The following LRRTM4 variants were observed in gnomAD, a reference collection of about 807,000 sequenced individuals.
LRRTM4 encodes leucine-rich repeat transmembrane neuronal protein 4.
In LRRTM4, 25 loss-of-function variants were observed where a neutral mutation model predicts 47.6. That is an observed-to-expected ratio of 0.53 (90% CI 0.38 to 0.73). The LOEUF is 0.73. Among genes scored for constraint, LRRTM4 ranks in the 30% least tolerant of loss-of-function variants. The probability of loss-of-function intolerance (pLI) is 0.00; values close to 1 mark genes in which losing one functional copy is unlikely to be tolerated. For missense variants in LRRTM4, 638 were observed against 713.4 expected (o/e 0.89, Z 1.20); for synonymous variants, 311 against 269.5 (o/e 1.15, Z -1.51).
chr2:76,874,648 A>AAC lies in LRRTM4; in HGVS notation c.1552-125733_1552-125732insGT, dbSNP rs576055047. 2.2e-3 allele frequency among the ~76,000 whole-genome samples: 334 copies of AAC among 151,860 alleles called. 7 individuals carry two copies. Among genetic ancestry groups the AAC allele is most frequent in the African/African-American group, 7.8e-3 (325 of 41,410 alleles). On this transcript the variant is annotated intron_variant, in intron 3 of 3. Transcript: ENST00000409884. ...GGCATTGATCATTGATGTTATTTCT[A>AAC]ATGTTTTGCTATTTTAGATAGTGAT...
chr2:77,501,031 A>C (rs2104075875), intron 3 of LRRTM4, among the ~76,000 whole-genome samples: 1 of 151,400 alleles, frequency 6.6e-6, no homozygotes, highest in East Asian at 1.9e-4. Context: ...AGAGTTAACA[A>C]TGATTTATTT....
At chr2:77,080,380 C>T (rs927396290) in intron 3 of LRRTM4, among the ~76,000 whole-genome samples, 2 of 152,274 alleles carry the variant, frequency 1.3e-5, no homozygotes, top group South Asian at 4.1e-4. Context: ...CTGTACACAT[C>T]CCATATCCGA....
intron 3 of LRRTM4, among the ~76,000 whole-genome samples, chr2:76,955,611 T>C (rs531216525): frequency 6.6e-6 from 1 of 151,920 alleles, no homozygotes; most frequent in Non-Finnish European, 1.5e-5. Context: ...AGTTCTCAAT[T>C]CCCAATACGA....
chr2:77,447,156 C>T (rs1489122321), intron 3 of LRRTM4, among the ~76,000 whole-genome samples: 1 of 149,972 alleles, frequency 6.7e-6, no homozygotes, highest in East Asian at 2.0e-4. Context: ...ACATCTTTCA[C>T]CAGATTCTCC....
At chr2:77,319,826 T>G in intron 3 of LRRTM4, among the ~76,000 whole-genome samples, 1 of 152,208 alleles carries the variant, frequency 6.6e-6, no homozygotes, top group Admixed American at 6.5e-5. Flanking sequence ...AAAGATGTGT[T>G]ATTTTTCCCC....
intron 3 of LRRTM4, among the ~76,000 whole-genome samples, chr2:77,470,506 A>G (rs1290578982): frequency 1.3e-5 from 2 of 152,220 alleles, no homozygotes; most frequent in Non-Finnish European, 2.9e-5. Flanking sequence ...TACAATGAAG[A>G]CACACTGAGC....
chr2:76,807,459 C>T (rs62172135), intron 3 of LRRTM4, among the ~76,000 whole-genome samples: 1,057 of 85,494 alleles, frequency 0.012, 12 homozygotes, highest in African/African-American at 0.041. Flanking sequence ...TATATATATA[C>T]ATATATATAT....
intron 3 of LRRTM4, among the ~76,000 whole-genome samples, chr2:76,944,474 T>G (rs1051183557): frequency 1.3e-5 from 2 of 152,152 alleles, no homozygotes; most frequent in African/African-American, 4.8e-5. Flanking sequence ...TTCCAGTGAT[T>G]TCTCCAGTAC....
intron 3 of LRRTM4, among the ~76,000 whole-genome samples, chr2:77,290,796 C>T (rs1676802513): frequency 6.6e-6 from 1 of 151,956 alleles, no homozygotes; most frequent in East Asian, 1.9e-4. Flanking sequence ...TCTTGTTTTT[C>T]CTACAGTTTC....
At chr2:77,467,748 T>TA in intron 3 of LRRTM4, among the ~76,000 whole-genome samples, 2 of 152,278 alleles carry the variant, frequency 1.3e-5, no homozygotes, top group South Asian at 4.1e-4. Context: ...ACATTTATAA[T>TA]AAAAATATGT....
chr2:77,053,170 G>A (rs894536949), intron 3 of LRRTM4, among the ~76,000 whole-genome samples: 5 of 152,136 alleles, frequency 3.3e-5, no homozygotes, highest in African/African-American at 1.2e-4. Flanking sequence ...GCAGAATTCA[G>A]ATACAGGAGA....
At chr2:77,120,876 A>G (rs753788817) in intron 3 of LRRTM4, among the ~76,000 whole-genome samples, 11 of 151,840 alleles carry the variant, frequency 7.2e-5, no homozygotes, top group Admixed American at 1.3e-4. Context: ...GTTCTCTGAC[A>G]ATCTGAGAAC....
At chr2:77,264,130 T>C (rs545124955) in intron 3 of LRRTM4, among the ~76,000 whole-genome samples, 25 of 152,142 alleles carry the variant, frequency 1.6e-4, no homozygotes, top group African/African-American at 5.8e-4. Flanking sequence ...CCATAAAAAA[T>C]ACCAGAGAAT....
At chr2:77,457,830 C>T (rs908056670) in intron 3 of LRRTM4, among the ~76,000 whole-genome samples, 2 of 152,110 alleles carry the variant, frequency 1.3e-5, no homozygotes, top group Admixed American at 6.6e-5. Flanking sequence ...CATCACCTGG[C>T]ACCTTCTTAT....
intron 3 of LRRTM4, among the ~76,000 whole-genome samples, chr2:76,779,094 G>T (rs1216988101): frequency 1.3e-5 from 2 of 148,204 alleles, no homozygotes; most frequent in Admixed American, 1.4e-4. Context: ...TTAATCCTGA[G>T]TTCTAGTTTG....
At chr2:77,028,630 A>G (rs1158273577) in intron 3 of LRRTM4, among the ~76,000 whole-genome samples, 1 of 152,170 alleles carries the variant, frequency 6.6e-6, no homozygotes, top group African/African-American at 2.4e-5. Context: ...AAGATGGAAC[A>G]AAAATGATTC....
At chr2:76,838,911 C>A (rs1023059933) in intron 3 of LRRTM4, among the ~76,000 whole-genome samples, 1 of 151,950 alleles carries the variant, frequency 6.6e-6, no homozygotes, top group Non-Finnish European at 1.5e-5. Flanking sequence ...ACAAAATAAA[C>A]CTAACCTTCC....
At chr2:76,924,553 TAGA>T (rs1414228167) in intron 3 of LRRTM4, among the ~76,000 whole-genome samples, 1 of 151,632 alleles carries the variant, frequency 6.6e-6, no homozygotes, top group East Asian at 1.9e-4. Flanking sequence ...CTGAAGGTGG[TAGA>T]AGAATAAATA....
At chr2:77,073,460 T>C (rs975996844) in intron 3 of LRRTM4, among the ~76,000 whole-genome samples, 5 of 152,016 alleles carry the variant, frequency 3.3e-5, no homozygotes, top group African/African-American at 7.2e-5. Context: ...GTACAGACAT[T>C]TTCCTTTCCA....
Sources: allele counts gnomAD v4.1 joint callset (sites outside exome capture counted in the v4.1 genomes callset), GRCh38; gene constraint gnomAD v4.1.1; transcripts MANE v1.5; gene names NCBI Gene and HGNC (gene_info 2026-07-23, HGNC 2026-07-21).